FBXL17: variants seen among roughly 807,000 people sequenced by gnomAD.
FBXL17 encodes F-box and leucine rich repeat protein 17.
Under a neutral mutation model 66.2 loss-of-function variants are expected in FBXL17, and 22 were observed. The ratio of observed to expected loss-of-function variants is 0.33; its 90% CI spans 0.24 to 0.47. The LOEUF is 0.47. Among genes scored for constraint, FBXL17 ranks in the 20% least tolerant of loss-of-function variants. The pLI is 1.00. For missense variants in FBXL17, 878 were observed against 948.2 expected (o/e 0.93, Z 0.97); for synonymous variants, 474 against 400.5 (o/e 1.18, Z -2.19).
intron 4 of FBXL17, among the ~76,000 whole-genome samples, chr5:108,331,404 ATAAATAC>A (rs1352052494): frequency 6.6e-6 from 1 of 152,218 alleles, no homozygotes; most frequent in Non-Finnish European, 1.5e-5. Context: ...TGTGTACGAG[ATAAATAC>A]TAAGCTATTG....
intron 4 of FBXL17, among the ~76,000 whole-genome samples, chr5:108,246,734 A>G (rs750320900): frequency 6.6e-6 from 1 of 152,228 alleles, no homozygotes; most frequent in South Asian, 2.1e-4. Context: ...ACATAATATA[A>G]ACTTGGTAAA....
intron 7 of FBXL17, among the ~76,000 whole-genome samples, chr5:107,983,000 CAA>C (rs1752881934): frequency 6.6e-6 from 1 of 152,170 alleles, no homozygotes; most frequent in Admixed American, 6.5e-5. Flanking sequence ...AGTCCATTAT[CAA>C]GTCATTCCTT....
At chr5:108,197,055 A>G (rs528830619) in intron 5 of FBXL17, among the ~76,000 whole-genome samples, 5 of 151,992 alleles carry the variant, frequency 3.3e-5, no homozygotes, top group African/African-American at 1.2e-4. Flanking sequence ...CTCCTCTTTC[A>G]CTCTGGCAGT....
rs151215184 is a variant in FBXL17 at position 108,025,680 on chromosome 5, T to TACACAC, written c.1746-4685_1746-4680dup. Among the ~76,000 whole-genome samples, 969 of 130,128 alleles carry TACACAC rather than the reference T, an allele frequency of 7.4e-3. 12 individuals are homozygous for TACACAC. The highest frequency in any genetic ancestry group is 0.026 in the African/African-American group (875 of 33,302). 85.4% of individuals were successfully genotyped at this position (130,128 alleles called of 152,430 possible). On this transcript the variant is annotated intron_variant, in intron 6 of 8. Coordinates refer to ENST00000542267, the MANE Select transcript of FBXL17 (RefSeq NM_001163315.3). ...TAGGGGCTTAAGTAGCTACAACACA[T>TACACAC]ACACACACACACACACACACACAAA...
intron 6 of FBXL17, among the ~76,000 whole-genome samples, chr5:108,168,503 G>A (rs568746570): frequency 6.8e-4 from 104 of 152,162 alleles, no homozygotes; most frequent in African/African-American, 2.4e-3. Context: ...TTAATAGAAC[G>A]TTTGAAATAA....
chr5:108,230,090 G>T (rs1755262722), intron 4 of FBXL17, among the ~76,000 whole-genome samples: 1 of 152,156 alleles, frequency 6.6e-6, no homozygotes, highest in African/African-American at 2.4e-5. Context: ...CGTAGATGTG[G>T]TTAAAAGGGA....
intron 7 of FBXL17, among the ~76,000 whole-genome samples, chr5:107,966,404 T>C (rs1752141911): frequency 6.6e-6 from 1 of 152,070 alleles, no homozygotes. Flanking sequence ...AGAGCATCAT[T>C]TCCTGCCAGG....
intron 5 of FBXL17, among the ~76,000 whole-genome samples, chr5:108,214,368 CTTTT>C (rs70996986): frequency 6.2e-5 from 8 of 129,666 alleles, no homozygotes; most frequent in Non-Finnish European, 6.5e-5. Flanking sequence ...TATTAATTGA[CTTTT>C]TTTTTTTTTT....
intron 4 of FBXL17, among the ~76,000 whole-genome samples, chr5:108,291,013 C>T (rs1183301267): frequency 6.6e-6 from 1 of 152,120 alleles, no homozygotes; most frequent in African/African-American, 2.4e-5. Flanking sequence ...TATGCAACGC[C>T]ATCTAAAATA....
chr5:108,066,892 T>G (rs1310084446), intron 6 of FBXL17, among the ~76,000 whole-genome samples: 1 of 152,046 alleles, frequency 6.6e-6, no homozygotes, highest in Non-Finnish European at 1.5e-5. Context: ...TATCTGAAAT[T>G]AAAGTCTTTG....
At chr5:108,212,813 AG>A (rs1416395752) in intron 5 of FBXL17, among the ~76,000 whole-genome samples, 98 of 152,336 alleles carry the variant, frequency 6.4e-4, no homozygotes, top group African/African-American at 2.2e-3. Context: ...TTGAAGAGGC[AG>A]TCTGATCCTT....
At chr5:108,055,955 G>A (rs1384383907) in intron 6 of FBXL17, among the ~76,000 whole-genome samples, 3 of 152,142 alleles carry the variant, frequency 2.0e-5, no homozygotes. Flanking sequence ...CAAGGTTATA[G>A]AGAGACTAAG....
intron 4 of FBXL17, among the ~76,000 whole-genome samples, chr5:108,300,330 C>T (rs1758530903): frequency 6.6e-6 from 1 of 151,812 alleles, no homozygotes; most frequent in Admixed American, 6.6e-5. Context: ...GACACTCAAA[C>T]TTTTTCTACT....
At chr5:107,893,932 G>A (rs1749287837) in intron 7 of FBXL17, among the ~76,000 whole-genome samples, 2 of 152,142 alleles carry the variant, frequency 1.3e-5, no homozygotes, top group South Asian at 2.1e-4. Context: ...TGGCTGTAGC[G>A]ATATAGTTCT....
chr5:108,136,537 T>C (rs1321163389), intron 6 of FBXL17, among the ~76,000 whole-genome samples: 3 of 152,110 alleles, frequency 2.0e-5, no homozygotes, highest in Non-Finnish European at 4.4e-5. Flanking sequence ...AGGACTACAG[T>C]CAAAGAAATA....
At chr5:108,256,079 C>G (rs1293031590) in intron 4 of FBXL17, among the ~76,000 whole-genome samples, 4 of 152,160 alleles carry the variant, frequency 2.6e-5, no homozygotes, top group Admixed American at 6.6e-5. Context: ...GTCAAGAAGA[C>G]TAAGAAAAGC....
At chr5:108,292,520 T>C (rs551023925) in intron 4 of FBXL17, among the ~76,000 whole-genome samples, 1 of 152,280 alleles carries the variant, frequency 6.6e-6, no homozygotes, top group South Asian at 2.1e-4. Context: ...ACTTTGCATA[T>C]ACTGCTCCCT....
intron 5 of FBXL17, among the ~76,000 whole-genome samples, chr5:108,190,053 A>G (rs935797618): frequency 2.0e-5 from 3 of 152,172 alleles, no homozygotes; most frequent in Non-Finnish European, 4.4e-5. Context: ...AACTAGTGAG[A>G]TGATAAATGT....
intron 7 of FBXL17, among the ~76,000 whole-genome samples, chr5:107,950,846 TATC>T (rs1264394738): frequency 6.6e-6 from 1 of 152,230 alleles, no homozygotes; most frequent in East Asian, 1.9e-4. Flanking sequence ...GTGTGACAGT[TATC>T]ATGAACACCA....
Sources: allele counts gnomAD v4.1 joint callset (sites outside exome capture counted in the v4.1 genomes callset), GRCh38; gene constraint gnomAD v4.1.1; transcripts MANE v1.5; gene names NCBI Gene and HGNC (gene_info 2026-07-23, HGNC 2026-07-21).